COL4A1: variants seen among roughly 807,000 people sequenced by gnomAD.
COL4A1 encodes collagen alpha-1(IV) chain.
COL4A1 carries 40 observed loss-of-function variants against 216.6 expected under a neutral mutation model. That is an observed-to-expected ratio of 0.18 (90% CI 0.14 to 0.24). COL4A1 has a LOEUF of 0.24. Among genes scored for constraint, COL4A1 ranks in the 10% least tolerant of loss-of-function variants. The probability of loss-of-function intolerance (pLI) is 1.00; values close to 1 mark genes in which losing one functional copy is unlikely to be tolerated. For synonymous variants in COL4A1, 839 were observed against 810.7 expected (o/e 1.03, Z -0.59); for missense variants, 1,628 against 2,196.8 (o/e 0.74, Z 5.18).
intron 26 of COL4A1, among the ~76,000 whole-genome samples, chr13:110,185,870 G>A (rs956499472): frequency 2.6e-5 from 4 of 152,210 alleles, no homozygotes; most frequent in African/African-American, 9.7e-5. Flanking sequence ...TGTTGTCAAT[G>A]CTCAGCATAG....
intron 51 of COL4A1, 123 bp downstream of exon 51, chr13:110,152,211 T>C (rs1876530470): frequency 1.4e-6 from 2 of 1,468,100 alleles, no homozygotes. Flanking sequence ...TCGAACAGCA[T>C]CAAATATTCA....
intron 50 of COL4A1, among the ~76,000 whole-genome samples, chr13:110,153,094 C>T (rs1275395367): frequency 6.6e-6 from 1 of 152,142 alleles, no homozygotes; most frequent in Non-Finnish European, 1.5e-5. Context: ...AAATCAAGAC[C>T]TTAAAATGAA....
intron 16 of COL4A1, 27 bp from the exon 17 acceptor site, chr13:110,205,433 C>T (rs533018070): frequency 2.4e-5 from 39 of 1,612,774 alleles, no homozygotes; most frequent in South Asian, 1.2e-4. Flanking sequence ...AAGCAGTAAC[C>T]GTCAGAGGCC....
chr13:110,150,481 T>C (rs377515123), intron 51 of COL4A1, 37 bp from the exon 52 acceptor site: 1 of 1,596,640 alleles, frequency 6.3e-7, no homozygotes, highest in Non-Finnish European at 8.6e-7. Flanking sequence ...TTGGCCATCA[T>C]CTCACAGCAC....
chr13:110,152,972 A>AT (rs986694350), intron 50 of COL4A1, among the ~76,000 whole-genome samples: 3 of 152,134 alleles, frequency 2.0e-5, no homozygotes, highest in Admixed American at 1.3e-4. Context: ...TAATCATTCA[A>AT]TTTTTTTTCT....
chr13:110,153,939 C>A (rs1594528735), intron 50 of COL4A1, among the ~76,000 whole-genome samples: 2 of 152,144 alleles, frequency 1.3e-5, no homozygotes, highest in Non-Finnish European at 2.9e-5. Context: ...ACGGCTGGGG[C>A]GCAGGGCAGA....
intron 2 of COL4A1, among the ~76,000 whole-genome samples, chr13:110,237,688 A>G (rs1484416949): frequency 1.3e-5 from 2 of 152,200 alleles, no homozygotes; most frequent in African/African-American, 4.8e-5. Context: ...TTGCTCTGAC[A>G]CTCACAAGCC....
rs138888319 is a variant in COL4A1 at position 110,211,905 on chromosome 13, G to A, written c.405C>T (p.Leu135=). The A allele has an allele frequency of 2.4e-4, 384 of 1,614,086 alleles. 7 individuals are homozygous for A. In the East Asian group the frequency reaches 8.1e-3, roughly 34 times the overall value. Residue 135 remains leucine, a synonymous_variant, in exon 7 of 52, where the codon CTC becomes CTT. Coordinates refer to ENST00000375820, the MANE Select transcript of COL4A1 (RefSeq NM_001845.6). The surrounding 1 kb of genome is among the most constrained non-coding windows in gnomAD (Gnocchi z 4.3). ...CGAAACCAGGCAAGCCAGGAGGCCC[G>A]AGCGGCCCTCTCTCCCCCTGGGGAG... ...CNGTKGERGP[L]GPPGLPGFAG...
intron 1 of COL4A1, among the ~76,000 whole-genome samples, chr13:110,279,001 T>C (rs898186756): frequency 6.6e-6 from 1 of 152,208 alleles, no homozygotes; most frequent in African/African-American, 2.4e-5. Context: ...ATCTGCCCAC[T>C]GTCACGGTTG....
At chr13:110,260,312 T>C (rs1211730480) in intron 1 of COL4A1, among the ~76,000 whole-genome samples, 3 of 152,318 alleles carry the variant, frequency 2.0e-5, no homozygotes, top group East Asian at 3.9e-4. Context: ...ACTTATTCGC[T>C]ACCAGGAGAA....
intron 2 of COL4A1, among the ~76,000 whole-genome samples, chr13:110,214,630 C>G (rs890724704): frequency 7.2e-5 from 11 of 152,140 alleles, no homozygotes; most frequent in African/African-American, 2.7e-4. Flanking sequence ...GAGCTGGGCA[C>G]CCATCTTCTC....
chr13:110,219,834 A>ATATATGTG (rs1594594296), intron 2 of COL4A1, among the ~76,000 whole-genome samples: 2 of 112,778 alleles, frequency 1.8e-5, no homozygotes, highest in African/African-American at 6.5e-5. Context: ...ATATGTATGT[A>ATATATGTG]TGTATATATG....
intron 30 of COL4A1, 91 bp downstream of exon 30, chr13:110,179,180 C>T: frequency 6.3e-7 from 1 of 1,582,124 alleles, no homozygotes; most frequent in Admixed American, 1.7e-5. Flanking sequence ...TCAACAAATA[C>T]ATATCAAATA....
chr13:110,192,347 TTTC>T, intron 23 of COL4A1, 63 bp from the exon 24 acceptor site: 1 of 1,488,368 alleles, frequency 6.7e-7, no homozygotes, highest in East Asian at 2.3e-5. Flanking sequence ...CTCAAAACCT[TTTC>T]TTAAGACTCA....
chr13:110,184,689 T>TGA (rs1241373832), intron 26 of COL4A1, among the ~76,000 whole-genome samples: 9 of 138,252 alleles, frequency 6.5e-5, no homozygotes, highest in Non-Finnish European at 1.3e-4. Flanking sequence ...ACTGTGTGTG[T>TGA]GTGTGTGTGT....
At chr13:110,288,723 C>G (rs7993533) in intron 1 of COL4A1, among the ~76,000 whole-genome samples, 3,649 of 152,262 alleles carry the variant, frequency 0.024, 133 homozygotes, top group African/African-American at 0.083. Flanking sequence ...CCTCAAGCCT[C>G]GGGAGCTACC....
At chr13:110,259,044 G>A (rs528213075) in intron 1 of COL4A1, among the ~76,000 whole-genome samples, 2 of 152,346 alleles carry the variant, frequency 1.3e-5, no homozygotes, top group African/African-American at 4.8e-5. Flanking sequence ...ACACGGGGCC[G>A]CCCGGTCCCT....
intron 8 of COL4A1, among the ~76,000 whole-genome samples, chr13:110,210,996 A>T (rs1365872832): frequency 6.6e-6 from 1 of 152,128 alleles, no homozygotes; most frequent in Non-Finnish European, 1.5e-5. Context: ...CCACACACAC[A>T]CATGCTCCTG....
At chr13:110,158,836 G>A (rs968384418) in intron 49 of COL4A1, among the ~76,000 whole-genome samples, 8 of 150,900 alleles carry the variant, frequency 5.3e-5, no homozygotes, top group Non-Finnish European at 7.4e-5. Context: ...TCCGCCTGCT[G>A]GGTTCAAGCA....
Sources: gnomAD v4.1 joint callset for allele counts (sites outside exome capture counted in the v4.1 genomes callset) on GRCh38, gnomAD v4.1.1 for gene constraint, Gnocchi (gnomAD v3.1) non-coding constraint, MANE v1.5 for transcripts, NCBI Gene and HGNC (gene_info 2026-07-23, HGNC 2026-07-21) for gene names.